The following WDR20 variants were observed in gnomAD, a reference collection of about 807,000 sequenced individuals.
The protein encoded by WDR20 is WD repeat domain 20.
A neutral mutation model predicts 38.7 loss-of-function variants in WDR20; 3 were observed. The observed-to-expected ratio is 0.08, with a 90% confidence interval of 0.04 to 0.20. The LOEUF (loss-of-function observed/expected upper bound fraction) is 0.20. Among genes scored for constraint, WDR20 ranks in the 10% least tolerant of loss-of-function variants. The pLI, the probability that WDR20 is intolerant of heterozygous loss-of-function variation, is 1.00. For synonymous variants in WDR20, 298 were observed against 285.6 expected (o/e 1.04, Z -0.44); for missense variants, 559 against 727.7 (o/e 0.77, Z 2.67).
In WDR20 at chr14:102,161,190, G is replaced by A. The variant is rs1453439580; in HGVS notation, c.249+21018G>A. The stretch of plus-strand genomic sequence containing the variant: ...TTTTGAGGCAGAGTCTCACTCAGTC[G>A]CCCAGGCTAGAGTGCCGTGGCACAA... On this transcript the variant is annotated intron_variant, in intron 1 of 2. Coordinates refer to ENST00000342702, the MANE Select transcript of WDR20 (RefSeq NM_144574.4). Among the ~76,000 whole-genome samples the A allele has an allele frequency of 8.5e-5, 8 of 94,018 alleles. No individual in the cohort carries two copies. The East Asian group carries it at 1.4e-3, about 17-fold the overall frequency. 61.7% of individuals were successfully genotyped at this position (94,018 alleles called of 152,430 possible). A position where few individuals can be genotyped will look rare whatever the true frequency, so the allele number is the denominator to read the frequency against.
chr14:102,198,842 G>A (rs2059841059), intron 2 of WDR20, among the ~76,000 whole-genome samples: 1 of 152,176 alleles, frequency 6.6e-6, no homozygotes, highest in Non-Finnish European at 1.5e-5. Context: ...GACTGGGAAA[G>A]GAGCAGTTGT....
chr14:102,143,389 A>G (rs935270080), intron 1 of WDR20, among the ~76,000 whole-genome samples: 1 of 152,190 alleles, frequency 6.6e-6, no homozygotes, highest in African/African-American at 2.4e-5. Context: ...ATTTAAAGAC[A>G]GTATTAACAT....
chr14:102,209,905 A>G lies in WDR20; in HGVS notation c.*25A>G. 1 of 1,569,174 alleles carries G rather than the reference A, an allele frequency of 6.4e-7. No homozygotes were observed. The highest frequency in any genetic ancestry group is 8.6e-7 in the Non-Finnish European group (1 of 1,158,578). Reference sequence around the variant, plus strand: ...ATGCTGCACCAGATCTAGAACTTGAATAGGTAGTGACTTTTTTCTTTTTCG... The same window carrying G: ...ATGCTGCACCAGATCTAGAACTTGAGTAGGTAGTGACTTTTTTCTTTTTCG... On this transcript the variant is annotated 3_prime_UTR_variant, in exon 3 of 3. Coordinates refer to ENST00000342702, the MANE Select transcript of WDR20 (RefSeq NM_144574.4). This position sits in a 1 kb window ranked among gnomAD's most constrained non-coding sequence, Gnocchi z 6.0.
chr14:102,187,621 C>T (rs907516980), intron 1 of WDR20, among the ~76,000 whole-genome samples: 8 of 152,124 alleles, frequency 5.3e-5, no homozygotes, highest in African/African-American at 1.7e-4. Flanking sequence ...CCTGCAGAGC[C>T]GTGGCAGTGG....
At position 102,164,989 on chromosome 14, in the gene WDR20, C is replaced by T. The variant is rs541954877; in HGVS notation, c.249+24817C>T. Among the ~76,000 whole-genome samples, 18 of 152,330 alleles carry T rather than the reference C, an allele frequency of 1.2e-4. 1 individual carries two copies. The highest frequency in any genetic ancestry group is 3.3e-4 in the Admixed American group (5 of 15,306). The stretch of plus-strand genomic sequence containing the variant: ...TTTGTTAGGGCAATTAAAACTTCTA[C>T]GACATATGCTCCGGCAGAGTTCCGT... On this transcript the variant is annotated intron_variant, in intron 1 of 2. Coordinates refer to ENST00000342702, the MANE Select transcript of WDR20 (RefSeq NM_144574.4).
chr14:102,169,874 T>G (rs1216435000), intron 1 of WDR20, among the ~76,000 whole-genome samples: 1 of 152,150 alleles, frequency 6.6e-6, no homozygotes, highest in African/African-American at 2.4e-5. Context: ...AATTAGGTAT[T>G]GTGACGTCTC....
downstream of WDR20, chr14:102,212,675 A>G: frequency 1.3e-6 from 2 of 1,495,600 alleles, no homozygotes; most frequent in South Asian, 1.3e-5. Context: ...GCTCCCGCAG[A>G]CCTGGGGAGG....
At chr14:102,140,251 G>T in intron 1 of WDR20, 79 bp downstream of exon 1, 3 of 1,573,238 alleles carry the variant, frequency 1.9e-6, no homozygotes, top group Non-Finnish European at 2.6e-6. Context: ...TGGGGCCAGG[G>T]TGACCGAGAG....
chr14:102,200,824 C>T (rs1370620148), intron 2 of WDR20, among the ~76,000 whole-genome samples: 2 of 152,198 alleles, frequency 1.3e-5, no homozygotes, highest in African/African-American at 2.4e-5. Flanking sequence ...GTAGGTCCCA[C>T]GTCTCCTTGT....
downstream of WDR20, among the ~76,000 whole-genome samples, chr14:102,218,874 C>T (rs945379470): frequency 1.3e-5 from 2 of 152,242 alleles, no homozygotes; most frequent in African/African-American, 4.8e-5. Context: ...AGCCCAGCAG[C>T]TCCCGCACGC....
At chr14:102,199,522 C>T (rs1043472440) in intron 2 of WDR20, among the ~76,000 whole-genome samples, 1 of 152,110 alleles carries the variant, frequency 6.6e-6, no homozygotes, top group African/African-American at 2.4e-5. Context: ...ATGTGTGAGG[C>T]TGAGGGTTGG....
chr14:102,212,569 A>C, downstream of WDR20: 1 of 1,535,944 alleles, frequency 6.5e-7, no homozygotes, highest in South Asian at 1.2e-5. Context: ...GGTGTTCTCC[A>C]AGACCAGAAC....
chr14:102,219,645 C>T (rs1827282141), downstream of WDR20, among the ~76,000 whole-genome samples: 1 of 152,218 alleles, frequency 6.6e-6, no homozygotes, highest in Non-Finnish European at 1.5e-5. Context: ...GGTCAAGCAC[C>T]CTGGGGTCCT....
intron 1 of WDR20, among the ~76,000 whole-genome samples, chr14:102,175,388 T>A (rs1169882404): frequency 6.6e-6 from 1 of 152,244 alleles, no homozygotes; most frequent in Non-Finnish European, 1.5e-5. Context: ...CTGGATTCTC[T>A]GTTATGTTCC....
chr14:102,180,247 G>A (rs909038566), intron 1 of WDR20, among the ~76,000 whole-genome samples: 8 of 152,046 alleles, frequency 5.3e-5, no homozygotes, highest in African/African-American at 1.7e-4. Context: ...TTTAATCCTC[G>A]AACGCTGCCT....
chr14:102,212,674 G>A (rs1461676272), downstream of WDR20: 22 of 1,511,052 alleles, frequency 1.5e-5, no homozygotes, highest in Non-Finnish European at 1.8e-5. Context: ...GGCTCCCGCA[G>A]ACCTGGGGAG....
chr14:102,171,885 TTTTG>T (rs1412727237), intron 1 of WDR20, among the ~76,000 whole-genome samples: 1 of 151,186 alleles, frequency 6.6e-6, no homozygotes. Context: ...TGTTTTTTAT[TTTTG>T]TTTTTTTGTT....
chr14:102,152,069 C>T (rs2056085282), intron 1 of WDR20, among the ~76,000 whole-genome samples: 2 of 151,924 alleles, frequency 1.3e-5, no homozygotes, highest in Non-Finnish European at 2.9e-5. Context: ...CTATAGGCAC[C>T]ATGCCCGGCT....
At chr14:102,140,285 G>T in intron 1 of WDR20, 113 bp downstream of exon 1, 2 of 1,488,944 alleles carry the variant, frequency 1.3e-6, no homozygotes, top group East Asian at 2.4e-5. Context: ...TCTTACTTTT[G>T]AGTGGGCCGG....
Sources: gnomAD v4.1 joint callset for allele counts (sites outside exome capture counted in the v4.1 genomes callset) on GRCh38, gnomAD v4.1.1 for gene constraint, Gnocchi (gnomAD v3.1) non-coding constraint, MANE v1.5 for transcripts, NCBI Gene and HGNC (gene_info 2026-07-23, HGNC 2026-07-21) for gene names.